TRDN: variants seen among roughly 807,000 people sequenced by gnomAD.
The protein encoded by TRDN is triadin.
A neutral mutation model predicts 149.7 loss-of-function variants in TRDN; 161 were observed. The observed-to-expected ratio is 1.08, with a 90% CI of 0.95 to 1.23. The LOEUF (loss-of-function observed/expected upper bound fraction) is 1.23, where lower values mean the gene tolerates loss of function less well. TRDN is among the 50% of genes most tolerant of loss of function. The pLI is 0.00. For missense variants in TRDN, 896 were observed against 823.5 expected, an observed-to-expected ratio of 1.09 and a Z score of -1.08; for synonymous variants, 294 against 250.5, an observed-to-expected ratio of 1.17 and a Z score of -1.64.
chr6:123,308,089 A>G (rs1160305999), intron 24 of TRDN, among the ~76,000 whole-genome samples: 2 of 151,956 alleles, frequency 1.3e-5, no homozygotes, highest in Non-Finnish European at 2.9e-5. Flanking sequence ...TTTAGCTCCC[A>G]GTTATAACTG....
chr6:123,402,568 C>A (rs1183290171), intron 12 of TRDN, among the ~76,000 whole-genome samples: 1 of 152,158 alleles, frequency 6.6e-6, no homozygotes, highest in African/African-American at 2.4e-5. Flanking sequence ...CCTGAAATCT[C>A]AGCAAATAAG....
intron 1 of TRDN, among the ~76,000 whole-genome samples, chr6:123,611,322 G>A (rs1376892680): frequency 6.6e-6 from 1 of 152,046 alleles, no homozygotes; most frequent in East Asian, 1.9e-4. Flanking sequence ...ATATTCACAA[G>A]ATATGAGAGG....
chr6:123,398,750 C>T (rs773760514), intron 12 of TRDN, among the ~76,000 whole-genome samples: 1 of 152,272 alleles, frequency 6.6e-6, no homozygotes, highest in East Asian at 1.9e-4. Context: ...CATGAAGCAG[C>T]CTTTGGCCAT....
intron 13 of TRDN, among the ~76,000 whole-genome samples, chr6:123,392,770 T>C (rs542861314): frequency 1.3e-5 from 2 of 152,006 alleles, no homozygotes; most frequent in Non-Finnish European, 2.9e-5. Flanking sequence ...ATTCTGCATG[T>C]TGCTGGGTCC....
chr6:123,452,209 C>CCA (rs1464147700), intron 10 of TRDN, among the ~76,000 whole-genome samples: 1 of 152,138 alleles, frequency 6.6e-6, no homozygotes, highest in Non-Finnish European at 1.5e-5. Context: ...TCCACTCTCA[C>CCA]CACTTCTCTT....
At chr6:123,264,275 G>A (rs150502835) in intron 33 of TRDN, among the ~76,000 whole-genome samples, 10 of 152,178 alleles carry the variant, frequency 6.6e-5, no homozygotes, top group African/African-American at 1.2e-4. Context: ...GAGTCCAAAT[G>A]TCAGTATCAA....
chr6:123,512,211 A>G (rs1779217997), intron 7 of TRDN, 92 bp downstream of exon 7: 2 of 713,718 alleles, frequency 2.8e-6, no homozygotes, highest in Admixed American at 6.1e-5. Flanking sequence ...TAAATGATAA[A>G]AGTTTACAAA....
chr6:123,481,111 C>G (rs2114769528), intron 9 of TRDN, among the ~76,000 whole-genome samples: 1 of 152,186 alleles, frequency 6.6e-6, no homozygotes, highest in African/African-American at 2.4e-5. Context: ...TCAGGCCTTA[C>G]AGTCAGCTTA....
chr6:123,283,119 T>G (rs1278426295), intron 24 of TRDN, among the ~76,000 whole-genome samples: 1 of 151,872 alleles, frequency 6.6e-6, no homozygotes, highest in Non-Finnish European at 1.5e-5. Context: ...CAAGTACTCT[T>G]TCAGACCACA....
intron 9 of TRDN, among the ~76,000 whole-genome samples, chr6:123,468,291 C>T (rs1465184098): frequency 6.6e-6 from 1 of 152,118 alleles, no homozygotes; most frequent in Non-Finnish European, 1.5e-5. Context: ...AATTTACATT[C>T]GAACTCTAAA....
chr6:123,224,587 C>T (rs1224735290), intron 38 of TRDN, among the ~76,000 whole-genome samples: 1 of 151,632 alleles, frequency 6.6e-6, no homozygotes, highest in African/African-American at 2.4e-5. Context: ...TCTAAAAAGC[C>T]CAGAAATAAA....
chr6:123,555,068 C>T (rs768312773), intron 2 of TRDN, among the ~76,000 whole-genome samples: 45 of 152,052 alleles, frequency 3.0e-4, no homozygotes, highest in South Asian at 4.1e-4. Flanking sequence ...CAGGTGTTTA[C>T]GAATAAACAA....
At chr6:123,372,186 G>A (rs1217954731) in intron 19 of TRDN, among the ~76,000 whole-genome samples, 1 of 151,854 alleles carries the variant, frequency 6.6e-6, no homozygotes, top group Non-Finnish European at 1.5e-5. Context: ...AAAAAACCAT[G>A]CAATTTTATT....
chr6:123,498,135 A>AT (rs1223208126), intron 8 of TRDN: 1 of 164,190 alleles, frequency 6.1e-6, no homozygotes, highest in Non-Finnish European at 1.3e-5. Context: ...AATAATTTAC[A>AT]TTTCAATATT....
chr6:123,441,126 A>G (rs1774856716), intron 10 of TRDN: 1 of 152,116 alleles, frequency 6.6e-6, no homozygotes, highest in African/African-American at 2.4e-5. Flanking sequence ...CTCAAGCACT[A>G]TTGTCTCTGT....
intron 5 of TRDN, among the ~76,000 whole-genome samples, chr6:123,527,821 T>C (rs951921158): frequency 1.3e-5 from 2 of 151,784 alleles, no homozygotes; most frequent in Admixed American, 6.6e-5. Context: ...TGAGGTACTG[T>C]ATGTGACCAA....
At chr6:123,280,159 A>C (rs117909350) in intron 24 of TRDN, among the ~76,000 whole-genome samples, 1 of 152,248 alleles carries the variant, frequency 6.6e-6, no homozygotes, top group Non-Finnish European at 1.5e-5. Flanking sequence ...AGGCCAAGAC[A>C]GTCAGTTATC....
At chr6:123,386,965 C>T (rs909441762) in intron 14 of TRDN, among the ~76,000 whole-genome samples, 23 of 152,160 alleles carry the variant, frequency 1.5e-4, no homozygotes, top group African/African-American at 5.3e-4. Flanking sequence ...CCTTGATGTA[C>T]GCTTAATAGG....
At chr6:123,223,805 A>G (rs145941725) in intron 39 of TRDN, among the ~76,000 whole-genome samples, 1 of 151,198 alleles carries the variant, frequency 6.6e-6, no homozygotes, top group Non-Finnish European at 1.5e-5. Flanking sequence ...TGTAATTCTT[A>G]ATGGAATAGT....
Sources: allele counts gnomAD v4.1 joint callset (sites outside exome capture counted in the v4.1 genomes callset), GRCh38; gene constraint gnomAD v4.1.1; transcripts MANE v1.5; gene names NCBI Gene and HGNC (gene_info 2026-07-23, HGNC 2026-07-21).